NDST4: variants seen among roughly 807,000 people sequenced by gnomAD.
The protein encoded by NDST4 is N-heparan sulfate sulfotransferase 4.
A neutral mutation model predicts 100.8 loss-of-function variants in NDST4; 63 were observed. The ratio of observed to expected loss-of-function variants is 0.62; its 90% CI spans 0.51 to 0.77. NDST4 has a LOEUF of 0.77. Among genes scored for constraint, NDST4 ranks in the 30% least tolerant of loss-of-function variants. NDST4 has a pLI of 0.00. For synonymous variants in NDST4, 377 were observed against 361.8 expected (o/e 1.04, Z -0.48); for missense variants, 943 against 1,018.4 (o/e 0.93, Z 1.01).
intron 7 of NDST4, among the ~76,000 whole-genome samples, chr4:114,867,665 C>CAAAAAAAAAAAAAAAAAAAAAAAAAGAAA: frequency 1.3e-5 from 1 of 79,900 alleles, no homozygotes; most frequent in Non-Finnish European, 2.3e-5. Flanking sequence ...AAAAAAAAAG[C>CAAAAAAAAAAAAAAAAAAAAAAAAAGAAA]AAAAAAAAAA....
intron 2 of NDST4, among the ~76,000 whole-genome samples, chr4:115,059,889 T>C (rs1307135018): frequency 6.6e-6 from 1 of 151,598 alleles, no homozygotes; most frequent in African/African-American, 2.4e-5. Context: ...CTTACTAGGT[T>C]AGCTTTCTCT....
intron 2 of NDST4, among the ~76,000 whole-genome samples, chr4:114,995,768 A>G (rs918602443): frequency 2.6e-5 from 4 of 152,090 alleles, no homozygotes; most frequent in Admixed American, 2.0e-4. Flanking sequence ...CTTACTATGC[A>G]AAAAACTTTT....
chr4:115,105,571 T>A (rs2110345332), intron 1 of NDST4, among the ~76,000 whole-genome samples: 1 of 152,264 alleles, frequency 6.6e-6, no homozygotes, highest in East Asian at 1.9e-4. Flanking sequence ...GTGCTCATTC[T>A]AAAACCTTTG....
chr4:115,071,139 AAAAT>A (rs201450509), intron 2 of NDST4, among the ~76,000 whole-genome samples: 1,827 of 151,240 alleles, frequency 0.012, 35 homozygotes, highest in African/African-American at 0.042. Context: ...ATAAAATAAA[AAAAT>A]AAAAAATAAA....
chr4:114,882,700 TA>T (rs1724396246), intron 6 of NDST4, among the ~76,000 whole-genome samples: 1 of 151,980 alleles, frequency 6.6e-6, no homozygotes, highest in Non-Finnish European at 1.5e-5. Flanking sequence ...GAAGAAAATT[TA>T]AAGTAATGAC....
intron 1 of NDST4, among the ~76,000 whole-genome samples, chr4:115,093,198 T>C (rs1337995803): frequency 6.6e-6 from 1 of 152,102 alleles, no homozygotes; most frequent in Non-Finnish European, 1.5e-5. Flanking sequence ...GATAGAACAT[T>C]AGAGCGGTGG....
intron 2 of NDST4, among the ~76,000 whole-genome samples, chr4:115,021,125 G>A (rs1727802772): frequency 6.6e-6 from 1 of 151,894 alleles, no homozygotes; most frequent in Non-Finnish European, 1.5e-5. Context: ...GTTTATAGCA[G>A]CACAATTCGC....
At chr4:114,986,793 CATATATAT>C (rs59806494) in intron 2 of NDST4, among the ~76,000 whole-genome samples, 1,644 of 91,086 alleles carry the variant, frequency 0.018, 56 homozygotes, top group Non-Finnish European at 0.019. Context: ...TCCAATTATA[CATATATAT>C]ATATATATAT....
intron 1 of NDST4, among the ~76,000 whole-genome samples, chr4:115,097,006 C>A (rs1328544725): frequency 6.6e-6 from 1 of 152,072 alleles, no homozygotes; most frequent in Non-Finnish European, 1.5e-5. Context: ...CGCACAGAAA[C>A]TATCTTTAGT....
intron 7 of NDST4, among the ~76,000 whole-genome samples, chr4:114,867,567 G>C (rs545278038): frequency 7.1e-6 from 1 of 141,670 alleles, no homozygotes; most frequent in African/African-American, 2.6e-5. Context: ...GAGCTTAAAA[G>C]CATCGATTAG....
chr4:115,043,708 T>C (rs62315301), intron 2 of NDST4, among the ~76,000 whole-genome samples: 12 of 152,112 alleles, frequency 7.9e-5, no homozygotes, highest in Non-Finnish European at 1.5e-4. Context: ...ATCTGTAAAA[T>C]GGGGCATATA....
intron 2 of NDST4, among the ~76,000 whole-genome samples, chr4:114,981,838 G>A (rs1726780689): frequency 6.6e-6 from 1 of 152,022 alleles, no homozygotes; most frequent in African/African-American, 2.4e-5. Context: ...CTTTGATATG[G>A]TTTGGCTCTG....
intron 2 of NDST4, among the ~76,000 whole-genome samples, chr4:115,053,397 C>T (rs1349439721): frequency 6.6e-6 from 1 of 151,998 alleles, no homozygotes; most frequent in African/African-American, 2.4e-5. Context: ...TTTCTGAAAC[C>T]TAATGCTATC....
intron 2 of NDST4, among the ~76,000 whole-genome samples, chr4:115,003,350 G>A (rs545583624): frequency 2.6e-5 from 4 of 152,244 alleles, no homozygotes; most frequent in Admixed American, 1.3e-4. Flanking sequence ...TGATAACAGT[G>A]ATCTTATATA....
At chr4:114,922,168 T>C (rs866580721) in intron 6 of NDST4, among the ~76,000 whole-genome samples, 10 of 152,164 alleles carry the variant, frequency 6.6e-5, no homozygotes, top group African/African-American at 2.2e-4. Flanking sequence ...TCTCCTGACA[T>C]ATCAAAACCC....
rs542428381 is a variant in NDST4 at position 114,854,476 on chromosome 4, CT to C, written c.1720-1656del. On this transcript the variant is annotated intron_variant, in intron 7 of 13. Coordinates refer to ENST00000264363, the MANE Select transcript of NDST4 (RefSeq NM_022569.3). ...TCTCTTCAATATACTGATTTCCTTT[CT>C]TTTTTTTTGAGACAGAGTTTTGCTC... Among the ~76,000 whole-genome samples, 341 of 151,306 alleles carry C rather than the reference CT, an allele frequency of 2.3e-3. 2 individuals are homozygous for C. The highest frequency in any genetic ancestry group is 3.4e-3 in the Non-Finnish European group (229 of 67,692).
intron 6 of NDST4, among the ~76,000 whole-genome samples, chr4:114,913,416 G>A (rs1725103250): frequency 6.6e-6 from 1 of 151,968 alleles, no homozygotes; most frequent in Admixed American, 6.6e-5. Flanking sequence ...AAAATAAAAT[G>A]TCTTAAAATG....
intron 1 of NDST4, among the ~76,000 whole-genome samples, chr4:115,081,318 G>A (rs493237): frequency 0.24 from 36,651 of 151,944 alleles, 6,155 homozygotes; most frequent in East Asian, 0.46. Flanking sequence ...AAAACTGGCC[G>A]GTGGAGATGA....
intron 2 of NDST4, among the ~76,000 whole-genome samples, chr4:115,035,218 A>G (rs1578472115): frequency 6.6e-6 from 1 of 152,152 alleles, no homozygotes; most frequent in Non-Finnish European, 1.5e-5. Flanking sequence ...CCATCAAAAG[A>G]CTTATGCATT....
Sources: gnomAD v4.1 joint callset for allele counts (sites outside exome capture counted in the v4.1 genomes callset) on GRCh38, gnomAD v4.1.1 for gene constraint, MANE v1.5 for transcripts, NCBI Gene and HGNC (gene_info 2026-07-23, HGNC 2026-07-21) for gene names.